The following ACOXL variants were observed in gnomAD, a reference collection of about 807,000 sequenced individuals.
ACOXL encodes acyl-CoA oxidase like.
A neutral mutation model predicts 71.9 loss-of-function variants in ACOXL; 70 were observed. That is an observed-to-expected ratio of 0.97 (90% confidence interval 0.80 to 1.19). ACOXL has a LOEUF of 1.19. Among genes scored for constraint, ACOXL ranks in the 50% most tolerant of loss-of-function variants. ACOXL has a pLI of 0.00. For synonymous variants in ACOXL, 253 were observed against 281.6 expected, an observed-to-expected ratio of 0.90 and a Z score of 1.02; for missense variants, 703 against 736.3, an observed-to-expected ratio of 0.95 and a Z score of 0.52.
chr2:110,874,689 C>T (rs1050973078), intron 10 of ACOXL, among the ~76,000 whole-genome samples: 3 of 152,074 alleles, frequency 2.0e-5, no homozygotes, highest in Admixed American at 6.6e-5. Context: ...CTGGGTGTTG[C>T]GAGGGTTTAA....
intron 10 of ACOXL, among the ~76,000 whole-genome samples, chr2:110,892,421 T>G (rs933078986): frequency 3.9e-5 from 6 of 152,168 alleles, no homozygotes. Flanking sequence ...GATTTCTCAT[T>G]GCTGTGCTCT....
At chr2:110,999,687 T>C (rs1574439551) in intron 14 of ACOXL, among the ~76,000 whole-genome samples, 1 of 152,148 alleles carries the variant, frequency 6.6e-6, no homozygotes, top group Non-Finnish European at 1.5e-5. Flanking sequence ...CTCTCTCTCT[T>C]TATCTCTAAT....
At chr2:110,773,157 T>C (rs892713837) in intron 2 of ACOXL, among the ~76,000 whole-genome samples, 1 of 152,186 alleles carries the variant, frequency 6.6e-6, no homozygotes, top group Non-Finnish European at 1.5e-5. Flanking sequence ...GAACATTGGT[T>C]GCATTATATT....
chr2:110,805,454 T>C (rs1371063297), intron 9 of ACOXL, 59 bp downstream of exon 9: 1 of 1,605,004 alleles, frequency 6.2e-7, no homozygotes, highest in East Asian at 2.2e-5. Flanking sequence ...GACTCAGGGA[T>C]GAGTAACAAT....
intron 16 of ACOXL, 71 bp from the exon 17 acceptor site, chr2:111,092,794 G>A (rs1357381588): frequency 3.1e-5 from 31 of 1,007,068 alleles, no homozygotes; most frequent in African/African-American, 6.5e-5. Context: ...TTTCTCTTTC[G>A]CCTCCTTAGA....
intron 14 of ACOXL, among the ~76,000 whole-genome samples, chr2:111,028,936 TA>T (rs1401280412): frequency 6.6e-6 from 1 of 152,204 alleles, no homozygotes; most frequent in Non-Finnish European, 1.5e-5. Flanking sequence ...GGAGGCAGTG[TA>T]GCCCATGGTT....
intron 1 of ACOXL, among the ~76,000 whole-genome samples, chr2:110,735,779 C>T (rs1044904417): frequency 2.6e-5 from 4 of 152,146 alleles, no homozygotes; most frequent in Non-Finnish European, 1.5e-5. Context: ...GGGTGACTGG[C>T]GGCTCCTCAT....
intron 12 of ACOXL, among the ~76,000 whole-genome samples, chr2:110,936,627 T>C (rs1197397697): frequency 6.6e-6 from 1 of 152,180 alleles, no homozygotes; most frequent in Non-Finnish European, 1.5e-5. Context: ...TTAGGTTCAA[T>C]AATTTGCTAG....
At chr2:110,867,889 A>G (rs1413397463) in intron 10 of ACOXL, among the ~76,000 whole-genome samples, 2 of 151,980 alleles carry the variant, frequency 1.3e-5, no homozygotes, top group African/African-American at 4.8e-5. Flanking sequence ...CAGCCTCCCG[A>G]GTAGCTGGGA....
At chr2:110,875,038 G>A (rs1695737159) in intron 10 of ACOXL, among the ~76,000 whole-genome samples, 1 of 152,142 alleles carries the variant, frequency 6.6e-6, no homozygotes, top group Non-Finnish European at 1.5e-5. Context: ...CCCAAGCACT[G>A]ACACTAGCTT....
chr2:111,022,119 G>A (rs779274250), intron 14 of ACOXL, among the ~76,000 whole-genome samples: 4 of 152,018 alleles, frequency 2.6e-5, no homozygotes, highest in African/African-American at 4.8e-5. Context: ...TTGGGAGGCC[G>A]ACGCGAGCAG....
intron 10 of ACOXL, among the ~76,000 whole-genome samples, chr2:110,874,848 C>T (rs1006271451): frequency 2.6e-5 from 4 of 152,148 alleles, no homozygotes; most frequent in South Asian, 2.1e-4. Flanking sequence ...CAGCATCCCT[C>T]GGGGTGGGAG....
At chr2:111,091,118 C>T (rs2068499736) in intron 16 of ACOXL, among the ~76,000 whole-genome samples, 1 of 152,038 alleles carries the variant, frequency 6.6e-6, no homozygotes, top group South Asian at 2.1e-4. Context: ...GGTCACAGCT[C>T]CTCTTAAAAT....
intron 17 of ACOXL, chr2:111,093,487 G>A (rs1274338314): frequency 1.2e-6 from 2 of 1,613,896 alleles, no homozygotes; most frequent in South Asian, 2.2e-5. Flanking sequence ...CTTTCTGCAG[G>A]AGAGATGCTG....
At chr2:110,892,942 T>C (rs1698087103) in intron 10 of ACOXL, among the ~76,000 whole-genome samples, 1 of 152,224 alleles carries the variant, frequency 6.6e-6, no homozygotes, top group African/African-American at 2.4e-5. Context: ...TTGCTGCAGT[T>C]AACTATGTTG....
chr2:111,070,982 A>C (rs968104315), intron 16 of ACOXL, among the ~76,000 whole-genome samples: 4 of 152,158 alleles, frequency 2.6e-5, no homozygotes, highest in Non-Finnish European at 5.9e-5. Context: ...CATGGTGGTG[A>C]AGAGAGCCAT....
In ACOXL at chr2:110,839,620, G is replaced by A. The variant is rs370548634; in HGVS notation, c.754-1751G>A. On this transcript the variant is annotated intron_variant, in intron 9 of 17. Transcript: ENST00000439055. Reference sequence around the variant, plus strand: ...CTCTGATTGCTGATGGCTTGCCCTCGTTGGTCCTGTACTTTGGATGCCTGC... The same window carrying A: ...CTCTGATTGCTGATGGCTTGCCCTCATTGGTCCTGTACTTTGGATGCCTGC... 2.5e-4 allele frequency among the ~76,000 whole-genome samples: 38 copies of A among 152,246 alleles called. No homozygotes were observed. In the East Asian group the frequency reaches 2.7e-3, roughly 11 times the overall value.
intron 9 of ACOXL, among the ~76,000 whole-genome samples, chr2:110,818,410 CATATAT>C (rs1371218363): frequency 7.1e-4 from 91 of 128,522 alleles, no homozygotes; most frequent in African/African-American, 2.8e-3. Flanking sequence ...AAAAAAAAAA[CATATAT>C]ATATATATGT....
At chr2:110,914,214 GTGAGTCTTCTAAGTATTT>G (rs2059755306) in intron 11 of ACOXL, among the ~76,000 whole-genome samples, 1 of 152,164 alleles carries the variant, frequency 6.6e-6, no homozygotes, top group Non-Finnish European at 1.5e-5. Flanking sequence ...ATCAGGTTAT[GTGAGTCTTCTAAGTATTT>G]TTTTTCCCCT....
Sources: gnomAD v4.1 joint callset for allele counts (sites outside exome capture counted in the v4.1 genomes callset) on GRCh38, gnomAD v4.1.1 for gene constraint, MANE v1.5 for transcripts, NCBI Gene and HGNC (gene_info 2026-07-23, HGNC 2026-07-21) for gene names.